Variants in KIAA0753 observed in about 807,000 individuals in gnomAD.
The protein encoded by KIAA0753 is KIAA0753, also known as protein moonraker.
Under a neutral mutation model 116.9 loss-of-function variants are expected in KIAA0753, and 114 were observed. That is an observed-to-expected ratio of 0.98 (90% CI 0.84 to 1.14). The LOEUF is 1.14. Ranked by LOEUF, KIAA0753 falls within the 50% of genes most tolerant of loss-of-function variation. The pLI is 0.00. For synonymous variants in KIAA0753, 405 were observed against 413.1 expected (o/e 0.98, Z 0.24); for missense variants, 1,156 against 1,172.4 (o/e 0.99, Z 0.20).
intron 7 of KIAA0753, among the ~76,000 whole-genome samples, chr17:6,618,458 C>T (rs1971080386): frequency 6.6e-6 from 1 of 152,170 alleles, no homozygotes; most frequent in Non-Finnish European, 1.5e-5. Context: ...AAGCTGGGGT[C>T]TCTTATGGGA....
At chr17:6,600,482 T>G (rs1237285058) in intron 12 of KIAA0753, 24 bp from the exon 13 acceptor site, 1 of 1,579,358 alleles carries the variant, frequency 6.3e-7, no homozygotes, top group Admixed American at 1.7e-5. Flanking sequence ...AAATTGAAAA[T>G]TAAAATCAAA....
At chr17:6,600,777 T>C (rs1567551954) in intron 12 of KIAA0753, among the ~76,000 whole-genome samples, 2 of 152,122 alleles carry the variant, frequency 1.3e-5, no homozygotes. Flanking sequence ...AAAATAACGG[T>C]TGTCATTAAC....
chr17:6,633,393 T>C (rs1472966089), intron 2 of KIAA0753, among the ~76,000 whole-genome samples: 7 of 152,210 alleles, frequency 4.6e-5, no homozygotes, highest in African/African-American at 1.7e-4. Flanking sequence ...ACAACAAGTG[T>C]TGGCAAAGAT....
intron 14 of KIAA0753, 47 bp from the exon 15 acceptor site, chr17:6,596,390 G>T: frequency 1.5e-6 from 2 of 1,350,186 alleles, no homozygotes; most frequent in East Asian, 2.4e-5. Flanking sequence ...GGTGGATTAG[G>T]GGTGGGAAGG....
intron 18 of KIAA0753, among the ~76,000 whole-genome samples, 156 bp from the exon 19 acceptor site, chr17:6,580,020 T>C (rs1968028439): frequency 1.3e-5 from 2 of 151,894 alleles, no homozygotes; most frequent in South Asian, 4.2e-4. Flanking sequence ...CGGTCTCTAC[T>C]AAAAATACAT....
Position 6,600,423 on chromosome 17 carries a change from T to A in KIAA0753, c.2045A>T (p.Glu682Val), listed in dbSNP as rs747307505. ...SATHLADKVE[E>V]AVLDRLKPLL... ...AGGCTTCAAACGATCCAGAACTGCC[T>A]CCTCTACCTTGTCTGCTAAGTGGGT... The change falls in exon 13 of 19, where the codon GAG becomes GTG. Residue 682 changes from glutamate to valine, a missense_variant. Glu to Val is a moderately radical substitution (Grantham distance 121). Transcript: ENST00000361413. The A allele has an allele frequency of 1.2e-6, 2 of 1,613,888 alleles. No homozygotes were observed. The highest frequency in any genetic ancestry group is 4.5e-5 in the East Asian group (2 of 44,882).
Position 6,628,474 on chromosome 17 carries a change from G to A in KIAA0753, c.361C>T (p.His121Tyr), listed in dbSNP as rs1207989835. ...GAGCTTTGAGGCTGACTTCTGAGATGATGTTCTTTTATATGTTTTTCAAAT... is the reference window on the plus strand; with the variant it reads ...GAGCTTTGAGGCTGACTTCTGAGATAATGTTCTTTTATATGTTTTTCAAAT... ...RQFEKHIKEH[H>Y]LRSQPQSSQK... Residue 121 changes from histidine to tyrosine, a missense_variant, in exon 3 of 19, where the codon CAT becomes TAT. His to Tyr is a moderately conservative substitution (Grantham distance 83). Transcript: ENST00000361413. The A allele has an allele frequency of 5.0e-6, 8 of 1,614,166 alleles. No homozygotes were observed. Among genetic ancestry groups the A allele is most frequent in the Non-Finnish European group, 5.9e-6 (7 of 1,180,034 alleles).
chr17:6,623,487 T>C, intron 5 of KIAA0753, 22 bp downstream of exon 5: 5 of 1,552,254 alleles, frequency 3.2e-6, no homozygotes, highest in Non-Finnish European at 4.4e-6. Flanking sequence ...CAAGTATTGA[T>C]CATAATTTAA....
chr17:6,612,631 G>C (rs2150842766), intron 7 of KIAA0753, among the ~76,000 whole-genome samples: 1 of 152,326 alleles, frequency 6.6e-6, no homozygotes, highest in Admixed American at 6.5e-5. Flanking sequence ...ACTTTGGAAG[G>C]CTGAGGCAGG....
intron 5 of KIAA0753, 150 bp from the exon 6 acceptor site, chr17:6,623,247 T>C: frequency 1.2e-6 from 1 of 848,808 alleles, no homozygotes; most frequent in East Asian, 2.7e-5. Context: ...AGTTGTAAAG[T>C]TTAAAGTTTT....
intron 14 of KIAA0753, 77 bp downstream of exon 14, chr17:6,599,160 T>A: frequency 1.0e-6 from 1 of 1,002,424 alleles, no homozygotes. Context: ...TGCAAAGTAA[T>A]CTGTATTTCA....
intron 18 of KIAA0753, among the ~76,000 whole-genome samples, chr17:6,589,097 G>C (rs1376063104): frequency 1.3e-5 from 2 of 152,156 alleles, no homozygotes; most frequent in East Asian, 1.9e-4. Context: ...TCTATTGTTA[G>C]GGGCTGAATG....
intron 2 of KIAA0753, 40 bp downstream of exon 2, chr17:6,634,971 A>C (rs766911405): frequency 3.1e-6 from 4 of 1,278,296 alleles, no homozygotes; most frequent in Non-Finnish European, 4.6e-6. Context: ...TTATGTTTGA[A>C]ATATTTAATA....
chr17:6,628,239 T>C lies in KIAA0753; in HGVS notation c.596A>G (p.Gln199Arg), dbSNP rs1474418626. 6 of 1,614,084 alleles carry C rather than the reference T, an allele frequency of 3.7e-6. No individual in the cohort carries two copies. The African/African-American group carries it at 4.0e-5, about 11-fold the overall frequency. ...GTGGTCACCTATCCTGGGATGAGGC[T>C]GAAGTCCCGGATCATGGGTGGGTGG... ...NSPPTHDPGLQPHPRIGDHKN... is the reference protein window; with the variant it reads ...NSPPTHDPGLRPHPRIGDHKN... The change falls in exon 3 of 19, where the codon CAG (glutamine) becomes CGG (arginine). Residue 199 changes from glutamine (Q) to arginine (R), a missense_variant. Transcript: ENST00000361413.
chr17:6,590,102 T>A, intron 17 of KIAA0753, 99 bp from the exon 18 acceptor site: 2 of 963,484 alleles, frequency 2.1e-6, no homozygotes, highest in Non-Finnish European at 3.0e-6. Flanking sequence ...AGGCTCATCT[T>A]GATTTCTCTT....
chr17:6,628,495 CA>C lies in KIAA0753; in HGVS notation c.339del (p.Phe113LeufsTer5). 1.9e-6 allele frequency: 3 copies of C among 1,614,136 alleles called. No individual in the cohort carries two copies. The highest frequency in any genetic ancestry group is 2.5e-6 in the Non-Finnish European group (3 of 1,180,022). ...AGATGATGTTCTTTTATATGTTTTT[CA>C]AATTGTCTTCGTTTCACATCTCTTC... ...LARRDVKRRQ[F>X]EKHIKEHHLR... On this transcript the variant is annotated frameshift_variant, in exon 3 of 19. Transcript: ENST00000361413. LOFTEE classifies it high-confidence loss of function.
intron 2 of KIAA0753, among the ~76,000 whole-genome samples, chr17:6,629,550 G>T (rs1971892311): frequency 6.6e-6 from 1 of 152,022 alleles, no homozygotes; most frequent in South Asian, 2.1e-4. Flanking sequence ...TCTGTTCTGG[G>T]ATTATCAGGT....
rs147784976 is a variant in KIAA0753, at chr17:6,611,909, G to A, written c.1545+10C>T. The A allele has an allele frequency of 6.8e-4, 1,094 of 1,608,190 alleles. 4 individuals carry two copies. In the African/African-American group the frequency reaches 7.9e-3, roughly 12 times the overall value. On this transcript the variant is annotated intron_variant, in intron 8 of 18. Transcript: ENST00000361413. ...CACAAATGGGCCAAAAGAGAGGAAT[G>A]ATTTCATACTTGCTGTCTTGCTGGC...
intron 8 of KIAA0753, 54 bp from the exon 9 acceptor site, chr17:6,610,214 G>C (rs1025580020): frequency 6.3e-7 from 1 of 1,580,282 alleles, no homozygotes; most frequent in Non-Finnish European, 8.7e-7. Flanking sequence ...AGAAACTATG[G>C]TTTAACCTCT....
Sources: allele counts gnomAD v4.1 joint callset (sites outside exome capture counted in the v4.1 genomes callset), GRCh38; gene constraint gnomAD v4.1.1; transcripts MANE v1.5; gene names NCBI Gene and HGNC (gene_info 2026-07-23, HGNC 2026-07-21).